Variants in GMDS observed in about 807,000 individuals in gnomAD.
The protein encoded by GMDS is GDP-mannose 4,6 dehydratase.
GMDS carries 20 observed loss-of-function variants against 49.9 expected under a neutral mutation model. The observed-to-expected ratio is 0.40, with a 90% CI of 0.28 to 0.58. The LOEUF (loss-of-function observed/expected upper bound fraction) is 0.58, where lower values mean the gene tolerates loss of function less well. Ranked by LOEUF, GMDS falls within the 20% of genes least tolerant of loss-of-function variation. GMDS has a pLI of 0.42. For missense variants in GMDS, 362 were observed against 481.4 expected, an observed-to-expected ratio of 0.75 and a Z score of 2.32; for synonymous variants, 177 against 178.6, an observed-to-expected ratio of 0.99 and a Z score of 0.07.
chr6:2,235,960 T>C (rs905199888), intron 1 of GMDS, among the ~76,000 whole-genome samples: 4 of 152,190 alleles, frequency 2.6e-5, no homozygotes, highest in African/African-American at 9.7e-5. Flanking sequence ...TATGAGCAGA[T>C]TGCACTGACA....
intron 4 of GMDS, among the ~76,000 whole-genome samples, chr6:2,009,632 G>T (rs1483661340): frequency 6.6e-6 from 1 of 152,032 alleles, no homozygotes; most frequent in Non-Finnish European, 1.5e-5. Context: ...TCTAAGCAAG[G>T]AATAAATCAA....
chr6:1,894,412 G>A (rs1412495523), intron 7 of GMDS, among the ~76,000 whole-genome samples: 4 of 151,920 alleles, frequency 2.6e-5, no homozygotes, highest in Non-Finnish European at 4.4e-5. Context: ...ACAGTGTTAT[G>A]GAAAATTATT....
At chr6:1,880,143 T>G (rs1759293044) in intron 7 of GMDS, among the ~76,000 whole-genome samples, 1 of 151,954 alleles carries the variant, frequency 6.6e-6, no homozygotes, top group Non-Finnish European at 1.5e-5. Flanking sequence ...CACAAAAGTA[T>G]TTTACTGTTA....
chr6:1,801,962 A>G (rs1561813824), intron 7 of GMDS, among the ~76,000 whole-genome samples: 3 of 152,224 alleles, frequency 2.0e-5, no homozygotes, highest in Admixed American at 2.0e-4. Context: ...GGCACTGGAC[A>G]CTATAATGTT....
intron 4 of GMDS, among the ~76,000 whole-genome samples, chr6:1,975,861 T>C (rs557048880): frequency 2.0e-5 from 3 of 152,280 alleles, no homozygotes; most frequent in Admixed American, 2.0e-4. Context: ...CAAGAAAATG[T>C]AGTCTCAACA....
chr6:2,082,291 T>A (rs1772761048), intron 4 of GMDS, among the ~76,000 whole-genome samples: 1 of 152,156 alleles, frequency 6.6e-6, no homozygotes. Context: ...ACTTCAAGTA[T>A]TTTCTTTTAG....
At chr6:2,104,476 C>A (rs1162911882) in intron 4 of GMDS, among the ~76,000 whole-genome samples, 1 of 152,152 alleles carries the variant, frequency 6.6e-6, no homozygotes, top group Admixed American at 6.5e-5. Flanking sequence ...TTCTTTGCTG[C>A]CATCTATGTG....
intron 4 of GMDS, among the ~76,000 whole-genome samples, chr6:1,999,988 T>TA (rs1766634305): frequency 7.0e-5 from 1 of 14,336 alleles, no homozygotes; most frequent in Non-Finnish European, 1.5e-4. Context: ...ATATTTTATA[T>TA]ATATATATTA....
intron 9 of GMDS, among the ~76,000 whole-genome samples, chr6:1,689,382 T>G (rs535982604): frequency 1.4e-4 from 21 of 152,332 alleles, no homozygotes; most frequent in Admixed American, 1.3e-3. Context: ...TAAAGTAACT[T>G]TTCATTCTTT....
chr6:2,106,993 A>C (rs1171448999), intron 4 of GMDS, among the ~76,000 whole-genome samples: 1 of 152,184 alleles, frequency 6.6e-6, no homozygotes, highest in East Asian at 1.9e-4. Flanking sequence ...TATTTGTATT[A>C]ATTTTAGCTT....
At chr6:2,103,653 T>C (rs1774053105) in intron 4 of GMDS, among the ~76,000 whole-genome samples, 1 of 152,234 alleles carries the variant, frequency 6.6e-6, no homozygotes, top group South Asian at 2.1e-4. Context: ...TCTCAGTTTC[T>C]ACTAAATATG....
At chr6:1,817,108 T>TACAC (rs3839594) in intron 7 of GMDS, among the ~76,000 whole-genome samples, 6,494 of 146,094 alleles carry the variant, frequency 0.044, 220 homozygotes, top group African/African-American at 0.092. Flanking sequence ...ATTGCTCCTT[T>TACAC]ACACACACAC....
At chr6:1,750,769 G>A (rs554697281) in intron 7 of GMDS, among the ~76,000 whole-genome samples, 1 of 152,150 alleles carries the variant, frequency 6.6e-6, no homozygotes, top group Admixed American at 6.5e-5. Context: ...GAGCCAAGTT[G>A]TCTTGCTCAG....
intron 7 of GMDS, among the ~76,000 whole-genome samples, chr6:1,748,112 T>A (rs1191290872): frequency 6.6e-6 from 1 of 152,218 alleles, no homozygotes; most frequent in East Asian, 1.9e-4. Context: ...ATCTTTTAAC[T>A]CTAGCCAGGA....
intron 9 of GMDS, among the ~76,000 whole-genome samples, chr6:1,695,602 T>A (rs147361264): frequency 3.3e-5 from 5 of 152,302 alleles, no homozygotes; most frequent in Non-Finnish European, 7.4e-5. Flanking sequence ...TTTCTCAACA[T>A]CAGCATCAGC....
chr6:1,926,850 C>G (rs917597969), intron 7 of GMDS, among the ~76,000 whole-genome samples: 8 of 152,164 alleles, frequency 5.3e-5, no homozygotes, highest in Non-Finnish European at 1.0e-4. Context: ...TATTAGAAAC[C>G]CAGGAGAGTC....
intron 7 of GMDS, among the ~76,000 whole-genome samples, chr6:1,916,027 G>T (rs922513073): frequency 6.6e-6 from 1 of 152,218 alleles, no homozygotes; most frequent in Non-Finnish European, 1.5e-5. Context: ...CACTGCTCAC[G>T]CAGGCTTCGC....
At chr6:1,882,308 A>C (rs888676814) in intron 7 of GMDS, among the ~76,000 whole-genome samples, 7 of 152,234 alleles carry the variant, frequency 4.6e-5, no homozygotes, top group Non-Finnish European at 7.3e-5. Flanking sequence ...GCTTTTTAAA[A>C]TGGATATATA....
At chr6:1,932,990 A>G (rs1215365011) in intron 6 of GMDS, among the ~76,000 whole-genome samples, 1 of 152,202 alleles carries the variant, frequency 6.6e-6, no homozygotes, top group Admixed American at 6.5e-5. Context: ...GAACACTTTC[A>G]TCATCCCAAA....
Sources: gnomAD v4.1 joint callset for allele counts (sites outside exome capture counted in the v4.1 genomes callset) on GRCh38, gnomAD v4.1.1 for gene constraint, MANE v1.5 for transcripts, NCBI Gene and HGNC (gene_info 2026-07-23, HGNC 2026-07-21) for gene names.